Variants in KANK1 observed in about 807,000 individuals in gnomAD.
KANK1 encodes KN motif and ankyrin repeat domain-containing protein 1.
KANK1 carries 109 observed loss-of-function variants against 106.2 expected under a neutral mutation model. The ratio of observed to expected loss-of-function variants is 1.03; its 90% CI spans 0.88 to 1.20. The LOEUF (loss-of-function observed/expected upper bound fraction) is 1.20, where lower values mean the gene tolerates loss of function less well. KANK1 is among the 50% of genes most tolerant of loss of function. The probability of loss-of-function intolerance (pLI) is 0.00; values close to 1 mark genes in which losing one functional copy is unlikely to be tolerated. For missense variants in KANK1, 2,399 were observed against 1,710.7 expected, an observed-to-expected ratio of 1.40 and a Z score of -7.10; for synonymous variants, 873 against 652.2, an observed-to-expected ratio of 1.34 and a Z score of -5.16.
intron 1 of KANK1, among the ~76,000 whole-genome samples, chr9:604,757 C>T (rs928772822): frequency 2.6e-5 from 4 of 151,700 alleles, no homozygotes; most frequent in Non-Finnish European, 5.9e-5. Context: ...TTGAACCTGA[C>T]AGATGGAGGT....
chr9:516,652 G>C (rs773727191), intron 1 of KANK1, among the ~76,000 whole-genome samples: 12 of 151,598 alleles, frequency 7.9e-5, no homozygotes, highest in Non-Finnish European at 1.5e-4. Context: ...AGAGACACTG[G>C]CTTGAGGAAT....
rs1836971930 is a variant in KANK1, at chr9:745,555, T to TGGTTCTCACTGAGACGTTTTAAG, written c.*321_*343dup. 4.9e-6 allele frequency: 1 copy of TGGTTCTCACTGAGACGTTTTAAG among 204,098 alleles called. No individual in the cohort carries two copies. Among genetic ancestry groups the TGGTTCTCACTGAGACGTTTTAAG allele is most frequent in the African/African-American group, 2.3e-5 (1 of 43,410 alleles). The allele number at this position is 204,098 out of a possible 1,614,324, so 12.6% of individuals were successfully genotyped here. A position where few individuals can be genotyped will look rare whatever the true frequency, so the allele number is the denominator to read the frequency against. On this transcript the variant is annotated 3_prime_UTR_variant, in exon 12 of 12. Transcript: ENST00000382297. ...CTGTTCACTCCCACAAAGTGGTGTC[T>TGGTTCTCACTGAGACGTTTTAAG]GGTTCTCACTGAGACGTTTTAAGAT...
intron 1 of KANK1, among the ~76,000 whole-genome samples, chr9:649,023 G>A (rs1840324798): frequency 6.6e-6 from 1 of 152,120 alleles, no homozygotes; most frequent in Non-Finnish European, 1.5e-5. Context: ...ACTGAGAACA[G>A]CACAGCTTCA....
At position 677,014 on chromosome 9, in the gene KANK1, C is replaced by T. The variant is rs1348335238; in HGVS notation, c.37+5C>T. On this transcript the variant is annotated splice_donor_5th_base_variant and intron_variant, in intron 2 of 11. Transcript: ENST00000382297. ...AGGTTAACGGCAGTGCCTCAGGTAA[C>T]CCTGTGCTCTGGAGTTTGTGTGTTA... The T allele has an allele frequency of 6.2e-7, 1 of 1,613,142 alleles. No homozygotes were observed.
At chr9:559,013 T>C (rs1368924468) in intron 1 of KANK1, 2 of 152,230 alleles carry the variant, frequency 1.3e-5, no homozygotes, top group Non-Finnish European at 2.9e-5. Flanking sequence ...TAAGTTTTAG[T>C]AGATGAATTT....
chr9:703,637 A>C (rs1450682165), intron 2 of KANK1, among the ~76,000 whole-genome samples: 3 of 152,112 alleles, frequency 2.0e-5, no homozygotes, highest in African/African-American at 7.2e-5. Context: ...ACTGTGCAAA[A>C]GCAGGCATAG....
chr9:617,540 G>A (rs937069292), intron 1 of KANK1, among the ~76,000 whole-genome samples: 1 of 152,170 alleles, frequency 6.6e-6, no homozygotes, highest in Non-Finnish European at 1.5e-5. Context: ...AGGCAGCCTG[G>A]CAGGCAGAGC....
chr9:711,641 C>CT lies in KANK1; in HGVS notation c.876dup (p.Val293CysfsTer33), dbSNP rs1554697550. The CT allele has an allele frequency of 6.2e-7, 1 of 1,614,140 alleles. No individual in the cohort carries two copies. The highest frequency in any genetic ancestry group is 1.6e-4 in the Middle Eastern group (1 of 6,062). On this transcript the variant is annotated frameshift_variant, in exon 3 of 12. Coordinates refer to ENST00000382297, the MANE Select transcript of KANK1 (RefSeq NM_015158.5). LOFTEE classifies it high-confidence loss of function. ...ATCCCTGTGCTCCAGGTAAAGATCT[C>CT]TGTCTTGCAAGAAGAGAAAAGGCAG...
intron 1 of KANK1, among the ~76,000 whole-genome samples, chr9:585,834 T>C (rs1157406898): frequency 6.6e-6 from 1 of 152,146 alleles, no homozygotes; most frequent in Non-Finnish European, 1.5e-5. Context: ...CAGACTAATC[T>C]GATTGAATAG....
intron 1 of KANK1, among the ~76,000 whole-genome samples, chr9:566,906 C>A (rs775946130): frequency 6.6e-6 from 1 of 152,102 alleles, no homozygotes; most frequent in Non-Finnish European, 1.5e-5. Flanking sequence ...TTTTGACATT[C>A]TCGTCACGAA....
At position 692,286 on chromosome 9, in the gene KANK1, T is replaced by G. The variant is rs576898589; in HGVS notation, c.37+15277T>G. Among the ~76,000 whole-genome samples, 3 of 152,318 alleles carry G rather than the reference T, an allele frequency of 2.0e-5. No homozygotes were observed. In the East Asian group the frequency reaches 5.8e-4, roughly 29 times the overall value. On this transcript the variant is annotated intron_variant, in intron 2 of 11. Transcript: ENST00000382297. ...AGGTGATTATCTTTGAGACACATAC[T>G]TTCCTGTGTGAAGACACAAAGATTA...
chr9:576,172 CTG>C (rs1337174514), intron 1 of KANK1, among the ~76,000 whole-genome samples: 2 of 152,178 alleles, frequency 1.3e-5, no homozygotes, highest in Admixed American at 6.5e-5. Context: ...GTCTAGGAAT[CTG>C]TGTTTTTACA....
chr9:473,619 A>G (rs1269151880), intron 3 of KANK1, among the ~76,000 whole-genome samples: 3 of 152,166 alleles, frequency 2.0e-5, no homozygotes, highest in Non-Finnish European at 4.4e-5. Flanking sequence ...ATTTTAGTGT[A>G]TATCATCCCC....
intron 1 of KANK1, among the ~76,000 whole-genome samples, chr9:626,734 G>C (rs1834435704): frequency 6.6e-6 from 1 of 152,198 alleles, no homozygotes; most frequent in Non-Finnish European, 1.5e-5. Context: ...GAATATATTT[G>C]TGCTTAAACA....
intron 1 of KANK1, among the ~76,000 whole-genome samples, chr9:506,711 A>G (rs1224030773): frequency 1.3e-5 from 2 of 152,234 alleles, no homozygotes; most frequent in East Asian, 1.9e-4. Context: ...TTTCATGAGT[A>G]TCAGTTCACA....
chr9:527,388 G>A lies in KANK1; in HGVS notation c.-84+22634G>A, dbSNP rs181113109. 4.1e-4 allele frequency among the ~76,000 whole-genome samples: 62 copies of A among 151,738 alleles called. No individual in the cohort carries two copies. The East Asian group carries it at 0.01, about 25-fold the overall frequency. ...GCGATCTTGGCTCGCGGCAGCCTAC[G>A]CCACCCAGTTTGAAGTGATTCTCCT... On this transcript the variant is annotated intron_variant, in intron 1 of 11. Coordinates refer to ENST00000382297, the MANE Select transcript of KANK1 (RefSeq NM_015158.5).
At chr9:507,189 CA>C (rs997545792) in intron 1 of KANK1, among the ~76,000 whole-genome samples, 1 of 146,976 alleles carries the variant, frequency 6.8e-6, no homozygotes. Context: ...TCCGTCTCTA[CA>C]AAAAAAATAA....
chr9:709,747 C>G (rs1313573703), intron 2 of KANK1, among the ~76,000 whole-genome samples: 1 of 151,876 alleles, frequency 6.6e-6, no homozygotes, highest in Non-Finnish European at 1.5e-5. Context: ...TCCCAAGTAA[C>G]TGGGATTACA....
intron 1 of KANK1, among the ~76,000 whole-genome samples, chr9:593,481 T>C (rs960423825): frequency 6.0e-5 from 9 of 149,858 alleles, no homozygotes; most frequent in Admixed American, 2.0e-4. Context: ...CATTTTTTTT[T>C]TTGACTAATG....
Sources: gnomAD v4.1 joint callset for allele counts (sites outside exome capture counted in the v4.1 genomes callset) on GRCh38, gnomAD v4.1.1 for gene constraint, MANE v1.5 for transcripts, NCBI Gene and HGNC (gene_info 2026-07-23, HGNC 2026-07-21) for gene names.